Variants in GRIP1 observed in about 807,000 individuals in gnomAD.
GRIP1 encodes glutamate receptor-interacting protein 1.
Under a neutral mutation model 129.9 loss-of-function variants are expected in GRIP1, and 45 were observed. That is an observed-to-expected ratio of 0.35 (90% CI 0.27 to 0.44). The LOEUF (loss-of-function observed/expected upper bound fraction) is 0.44. GRIP1 is among the 20% of genes least tolerant of loss of function. The pLI is 1.00. For missense variants in GRIP1, 1,196 were observed against 1,396.8 expected (o/e 0.86, Z 2.29); for synonymous variants, 530 against 520.8 (o/e 1.02, Z -0.24).
chr12:66,354,296 C>T (rs1592673915), intron 23 of GRIP1, among the ~76,000 whole-genome samples: 2 of 152,214 alleles, frequency 1.3e-5, no homozygotes, highest in East Asian at 1.9e-4. Context: ...GCCCTCACTC[C>T]TTCACCTGAC....
chr12:66,786,176 A>G (rs2038338507), intron 1 of GRIP1, among the ~76,000 whole-genome samples: 1 of 152,246 alleles, frequency 6.6e-6, no homozygotes, highest in Admixed American at 6.5e-5. Flanking sequence ...AGGGTTGAGG[A>G]AAAGGTGAAG....
At chr12:66,952,751 G>A (rs1176765163) in intron 1 of GRIP1, among the ~76,000 whole-genome samples, 1 of 152,102 alleles carries the variant, frequency 6.6e-6, no homozygotes, top group Non-Finnish European at 1.5e-5. Flanking sequence ...AATTCAATCT[G>A]ATTTGACTTC....
At chr12:66,661,495 A>C (rs2033506819) in intron 1 of GRIP1, among the ~76,000 whole-genome samples, 1 of 151,640 alleles carries the variant, frequency 6.6e-6, no homozygotes, top group African/African-American at 2.4e-5. Context: ...GATGGGAAAA[A>C]AAATAAACCA....
At chr12:66,380,611 G>A (rs57739799) in intron 19 of GRIP1, among the ~76,000 whole-genome samples, 2,379 of 152,290 alleles carry the variant, frequency 0.016, 65 homozygotes, top group African/African-American at 0.054. Context: ...TGATAGAAAT[G>A]TTTTTAAAGC....
intron 1 of GRIP1, among the ~76,000 whole-genome samples, chr12:67,024,013 C>A (rs2042905278): frequency 6.6e-6 from 1 of 152,144 alleles, no homozygotes; most frequent in South Asian, 2.1e-4. Context: ...CCAGGACCTT[C>A]CAGCCAGGGT....
At chr12:66,873,218 A>G (rs2040325902) in intron 1 of GRIP1, among the ~76,000 whole-genome samples, 1 of 152,102 alleles carries the variant, frequency 6.6e-6, no homozygotes, top group Admixed American at 6.6e-5. Context: ...TGCAGTGATA[A>G]TACCAGCATA....
At chr12:66,499,354 G>A (rs750491664) in intron 7 of GRIP1, among the ~76,000 whole-genome samples, 21 of 152,136 alleles carry the variant, frequency 1.4e-4, no homozygotes, top group Non-Finnish European at 2.6e-4. Flanking sequence ...TTATAAAAGT[G>A]CATATTAAAC....
chr12:66,757,912 A>G lies in GRIP1; in HGVS notation c.-420+46141T>C, dbSNP rs147814570. On this transcript the variant is annotated intron_variant, in intron 1 of 4. Transcript: ENST00000538373. ...CATTCATCTTTTTGGTTGTTGGTAA[A>G]TCCCCAACACAATTCTATGAAATGA... Among the ~76,000 whole-genome samples, 117 of 152,270 alleles carry G rather than the reference A, an allele frequency of 7.7e-4. 1 individual carries two copies. Among genetic ancestry groups the G allele is most frequent in the African/African-American group, 2.3e-3 (97 of 41,550 alleles).
intron 2 of GRIP1, among the ~76,000 whole-genome samples, chr12:66,554,950 T>C (rs990849434): frequency 6.6e-6 from 1 of 152,166 alleles, no homozygotes; most frequent in African/African-American, 2.4e-5. Flanking sequence ...TCTGAACCCA[T>C]CCAGGATCCA....
intron 1 of GRIP1, among the ~76,000 whole-genome samples, chr12:66,952,025 T>C (rs964788737): frequency 5.9e-5 from 9 of 151,940 alleles, no homozygotes; most frequent in South Asian, 2.1e-4. Flanking sequence ...TTGCAGGAAA[T>C]TGATGATAGA....
At position 66,509,398 on chromosome 12, in the gene GRIP1, C is replaced by G. The variant is rs75946402; in HGVS notation, c.724+6221G>C. Among the ~76,000 whole-genome samples, 567 of 152,228 alleles carry G rather than the reference C, an allele frequency of 3.7e-3. 2 individuals carry two copies. Among genetic ancestry groups the G allele is most frequent in the African/African-American group, 0.012 (504 of 41,540 alleles). ...TATTTTAGAGATGGAAAAGTTGAAG[C>G]TTGGAGAGGTTAAATATTGTCCAAG... On this transcript the variant is annotated intron_variant, in intron 7 of 24. Coordinates refer to ENST00000359742, the MANE Select transcript of GRIP1 (RefSeq NM_001366722.1).
At chr12:66,860,738 G>T (rs972578857) in intron 1 of GRIP1, among the ~76,000 whole-genome samples, 2 of 152,092 alleles carry the variant, frequency 1.3e-5, no homozygotes, top group South Asian at 4.1e-4. Context: ...AATCACCAGA[G>T]AATCTTATTA....
intron 1 of GRIP1, among the ~76,000 whole-genome samples, chr12:66,826,448 T>TA (rs998580999): frequency 3.3e-5 from 5 of 151,756 alleles, no homozygotes; most frequent in Non-Finnish European, 7.4e-5. Context: ...ACTTAAAGTA[T>TA]AAAAAAAAGA....
chr12:66,540,479 A>T (rs1799296747), intron 3 of GRIP1, among the ~76,000 whole-genome samples: 1 of 152,236 alleles, frequency 6.6e-6, no homozygotes, highest in Non-Finnish European at 1.5e-5. Context: ...ACTGGCCATG[A>T]TTGTTATAAA....
At chr12:66,797,482 G>A (rs1185964277) in intron 1 of GRIP1, among the ~76,000 whole-genome samples, 1 of 152,100 alleles carries the variant, frequency 6.6e-6, no homozygotes, top group Non-Finnish European at 1.5e-5. Context: ...GGAAACTGAA[G>A]AAGCATACTG....
At chr12:66,349,905 C>T (rs542205801) in intron 24 of GRIP1, among the ~76,000 whole-genome samples, 49 of 152,234 alleles carry the variant, frequency 3.2e-4, no homozygotes, top group African/African-American at 1.1e-3. Flanking sequence ...TCTTCACCAA[C>T]ACAAGTTTTT....
intron 1 of GRIP1, among the ~76,000 whole-genome samples, chr12:66,905,103 T>C (rs1455857066): frequency 2.0e-5 from 3 of 152,184 alleles, no homozygotes; most frequent in Admixed American, 6.5e-5. Context: ...ACAAAGTAGA[T>C]AGCATTTGGG....
chr12:66,628,148 C>T (rs1026008538), intron 1 of GRIP1, among the ~76,000 whole-genome samples: 6 of 152,206 alleles, frequency 3.9e-5, no homozygotes, highest in Admixed American at 1.3e-4. Context: ...CTTCACTATT[C>T]TTCAAATGTC....
chr12:66,760,902 A>G (rs1318550895), intron 1 of GRIP1, among the ~76,000 whole-genome samples: 1 of 151,482 alleles, frequency 6.6e-6, no homozygotes, highest in Non-Finnish European at 1.5e-5. Flanking sequence ...GTCTGTTAAA[A>G]TGACCCAGTG....
Sources: allele counts gnomAD v4.1 joint callset (sites outside exome capture counted in the v4.1 genomes callset), GRCh38; gene constraint gnomAD v4.1.1; transcripts MANE v1.5; gene names NCBI Gene and HGNC (gene_info 2026-07-23, HGNC 2026-07-21).